Variants in OTUD7B observed in about 807,000 individuals in gnomAD.
The protein encoded by OTUD7B is OTU deubiquitinase 7B.
Under a neutral mutation model 82.2 loss-of-function variants are expected in OTUD7B, and 34 were observed. The observed-to-expected ratio is 0.41, with a 90% CI of 0.31 to 0.55. OTUD7B has a LOEUF of 0.55. Among genes scored for constraint, OTUD7B ranks in the 20% least tolerant of loss-of-function variants. The pLI is 0.20. For synonymous variants in OTUD7B, 398 were observed against 402.7 expected (o/e 0.99, Z 0.14); for missense variants, 944 against 1,062.1 (o/e 0.89, Z 1.55).
At position 149,944,946 on chromosome 1, in the gene OTUD7B, G is replaced by A. The variant is rs782271326; in HGVS notation, c.1443C>T (p.Gly481=). 2.0e-5 allele frequency: 32 copies of A among 1,613,978 alleles called. No individual in the cohort carries two copies. The highest frequency in any genetic ancestry group is 1.1e-4 in the East Asian group (5 of 44,884). Residue 481 remains glycine, a synonymous_variant, in exon 12 of 12, where the codon GGC becomes GGT. Transcript: ENST00000581312. ...GCTTTGACTTCTCCTTCCGCCGGCC[G>A]CCCTCGTTGCTGGTGGAACTGCTGC... ...SVGSSSTSNE[G]GRRKEKSKRD...
the OTUD7B span, among the ~76,000 whole-genome samples, chr1:150,034,186 A>G: frequency 6.6e-6 from 1 of 152,210 alleles, no homozygotes; most frequent in East Asian, 1.9e-4. Context: ...TTACTAATAA[A>G]TCTGTTTCAT....
At chr1:150,007,368 T>A (rs1333369345) in intron 1 of OTUD7B, among the ~76,000 whole-genome samples, 4 of 152,226 alleles carry the variant, frequency 2.6e-5, no homozygotes, top group African/African-American at 9.6e-5. Context: ...CCCAAGTCCA[T>A]TTCAAAATTT....
At position 149,982,104 on chromosome 1, in the gene OTUD7B, G is replaced by A. The variant is rs181703937; in HGVS notation, c.-66-4528C>T. Among the ~76,000 whole-genome samples, 738 of 152,036 alleles carry A rather than the reference G, an allele frequency of 4.9e-3. 6 individuals are homozygous for A. Among genetic ancestry groups the A allele is most frequent in the Non-Finnish European group, 7.4e-3 (504 of 67,960 alleles). Reference sequence around the variant, plus strand: ...GCGGAGCTTGCAGTGAGCCGAGATCGCGCCACTGCACTCCAGCCTGGGCGA... The same window carrying A: ...GCGGAGCTTGCAGTGAGCCGAGATCACGCCACTGCACTCCAGCCTGGGCGA... On this transcript the variant is annotated intron_variant, in intron 1 of 11. Coordinates refer to ENST00000581312, the MANE Select transcript of OTUD7B (RefSeq NM_020205.4).
rs782333494 is a variant in OTUD7B at position 149,967,415 on chromosome 1, G to A, written c.381C>T (p.Pro127=). 1.1e-5 allele frequency: 18 copies of A among 1,614,120 alleles called. No individual in the cohort carries two copies. The highest frequency in any genetic ancestry group is 5.0e-5 in the Admixed American group (3 of 60,006). The change falls in exon 4 of 12, where the codon CCC becomes CCT. Residue 127 remains proline, a synonymous_variant. Coordinates refer to ENST00000581312, the MANE Select transcript of OTUD7B (RefSeq NM_020205.4). ...NGGGGGSNEH[P]LEMPICAFQL... ...GGAAGGCACAGATGGGCATTTCCAG[G>A]GGGTGCTCATTGCTCCCCCCACCCC...
chr1:149,979,942 C>A (rs587776262), intron 1 of OTUD7B, among the ~76,000 whole-genome samples: 1 of 151,862 alleles, frequency 6.6e-6, no homozygotes, highest in Non-Finnish European at 1.5e-5. Context: ...AAAAAAGCAA[C>A]GCAACTGTAA....
rs587755388 is a variant in OTUD7B, at chr1:149,994,341, G to A, written c.-67+16107C>T. Among the ~76,000 whole-genome samples, 22 of 152,188 alleles carry A rather than the reference G, an allele frequency of 1.4e-4. No individual in the cohort carries two copies. The East Asian group carries it at 3.3e-3, about 23-fold the overall frequency. On this transcript the variant is annotated intron_variant, in intron 1 of 11. Coordinates refer to ENST00000581312, the MANE Select transcript of OTUD7B (RefSeq NM_020205.4). The stretch of plus-strand genomic sequence containing the variant: ...CTCACGCCTATAATCCCAGCACTTT[G>A]GGAGGCTGAGGTGGGCGGATCACGA...
Position 149,948,998 on chromosome 1 carries a change from T to C in OTUD7B, c.1209A>G (p.Lys403=), listed in dbSNP as rs1647978471. 1.2e-6 allele frequency: 2 copies of C among 1,613,426 alleles called. No homozygotes were observed. The highest frequency in any genetic ancestry group is 1.7e-5 in the Admixed American group (1 of 60,008). The change falls in exon 10 of 12, where the codon AAA becomes AAG. Residue 403 remains lysine, a synonymous_variant. Transcript: ENST00000581312. ...CCAATCGGACATTGTCACTATCATC[T>C]TTGCCCCACTCCCAGCCCTTTCCAG... ...VDPGKGWEWG[K]DDSDNVRLAS...
At chr1:150,052,272 C>T in the OTUD7B span, among the ~76,000 whole-genome samples, 1 of 152,154 alleles carries the variant, frequency 6.6e-6, no homozygotes, top group Non-Finnish European at 1.5e-5. Flanking sequence ...TTAGAAAACC[C>T]CATAGTCTTG....
At chr1:149,970,327 T>TA (rs1553777376) in intron 3 of OTUD7B, among the ~76,000 whole-genome samples, 6 of 882 alleles carry the variant, frequency 6.8e-3, no homozygotes, top group African/African-American at 9.2e-3. Flanking sequence ...TTTATTTATT[T>TA]TTTTTTTTGT....
At position 149,944,604 on chromosome 1, in the gene OTUD7B, G is replaced by A. The variant is rs1389226627; in HGVS notation, c.1785C>T (p.Ser595=). Residue 595 remains serine (S), a synonymous_variant, in exon 12 of 12, where the codon AGC becomes AGT. Transcript: ENST00000581312. ...GSKYSQEVMQ[S]LSILRTAMQG... ...GCATGGCAGTCCTCAGAATGCTCAG[G>A]CTCTGCATCACCTCCTGGCTATACT... 1.9e-6 allele frequency: 3 copies of A among 1,613,908 alleles called. No individual in the cohort carries two copies. In the African/African-American group the frequency reaches 4.0e-5, roughly 22 times the overall value.
chr1:149,990,568 G>A (rs1482283182), intron 1 of OTUD7B, among the ~76,000 whole-genome samples: 1 of 152,120 alleles, frequency 6.6e-6, no homozygotes, highest in Non-Finnish European at 1.5e-5. Context: ...TTCACTAATA[G>A]CTTCTCTGTT....
At chr1:150,064,649 A>C in the OTUD7B span, among the ~76,000 whole-genome samples, 1 of 152,182 alleles carries the variant, frequency 6.6e-6, no homozygotes, top group African/African-American at 2.4e-5. Context: ...GATTACAGGC[A>C]TGAACCACTG....
At chr1:149,987,488 A>T (rs1224918613) in intron 1 of OTUD7B, among the ~76,000 whole-genome samples, 2 of 152,234 alleles carry the variant, frequency 1.3e-5, no homozygotes, top group African/African-American at 4.8e-5. Context: ...GGGGAAATGT[A>T]TGCATTTCAG....
the OTUD7B span, among the ~76,000 whole-genome samples, chr1:150,023,794 C>T: frequency 6.6e-6 from 1 of 152,030 alleles, no homozygotes; most frequent in African/African-American, 2.4e-5. Flanking sequence ...AATGTTCTTG[C>T]CACACAAAAA....
Position 149,955,551 on chromosome 1 carries a change from A to G in OTUD7B, c.845+4133T>C, listed in dbSNP as rs587704404. On this transcript the variant is annotated intron_variant, in intron 7 of 11. Transcript: ENST00000581312. Reference sequence around the variant, plus strand: ...GGGGTGAAGAGTTCTGTAGATGTCTATTAGGTCTGCTTGGTGCAGAGCTGA... The same window carrying G: ...GGGGTGAAGAGTTCTGTAGATGTCTGTTAGGTCTGCTTGGTGCAGAGCTGA... Among the ~76,000 whole-genome samples, 21 of 152,310 alleles carry G rather than the reference A, an allele frequency of 1.4e-4. 1 individual carries two copies. The South Asian group carries it at 4.4e-3, about 32-fold the overall frequency.
rs782560596 is a variant in OTUD7B at position 149,967,474 on chromosome 1, A to G, written c.322T>C (p.Ser108Pro). 6.2e-7 allele frequency: 1 copy of G among 1,613,562 alleles called. No homozygotes were observed. Among genetic ancestry groups the G allele is most frequent in the South Asian group, 1.1e-5 (1 of 91,034 alleles). ...GISHASSSIVSLARSHVSSNG... is the reference protein window; with the variant it reads ...GISHASSSIVPLARSHVSSNG... ...GAGGAGACATGGGACCGGGCCAGGGAAACAATGCTGGAGCTGGCGTGGGAG... is the reference window on the plus strand; with the variant it reads ...GAGGAGACATGGGACCGGGCCAGGGGAACAATGCTGGAGCTGGCGTGGGAG... The change falls in exon 4 of 12, where the codon TCC (serine) becomes CCC (proline). Residue 108 changes from serine (S) to proline (P), a missense_variant. Coordinates refer to ENST00000581312, the MANE Select transcript of OTUD7B (RefSeq NM_020205.4).
In OTUD7B at chr1:149,945,025, C is replaced by G. The variant is rs1647606192; in HGVS notation, c.1364G>C (p.Gly455Ala). ...CTCAGGAGTGGACCGGGGCTCATCTCCAGCTGAGGCGGTGGGGGACTCAGG... is the reference window on the plus strand; with the variant it reads ...CTCAGGAGTGGACCGGGGCTCATCTGCAGCTGAGGCGGTGGGGGACTCAGG... ...AQPESPTASA[G>A]DEPRSTPESG... is the part of the protein sequence containing the mutation. Residue 455 changes from glycine to alanine, a missense_variant, in exon 12 of 12, where the codon GGA (glycine) becomes GCA (alanine). This residue lies in a region of OTUD7B where 530 missense variants were observed against 625.6 expected (regional missense o/e 0.85). Coordinates refer to ENST00000581312, the MANE Select transcript of OTUD7B (RefSeq NM_020205.4). 1 of 1,613,976 alleles carries G rather than the reference C, an allele frequency of 6.2e-7. No individual in the cohort carries two copies. Among genetic ancestry groups the G allele is most frequent in the Non-Finnish European group, 8.5e-7 (1 of 1,180,030 alleles).
At chr1:150,014,056 A>ATGTGTG (rs1487824605), upstream of OTUD7B, among the ~76,000 whole-genome samples, 117 of 77,336 alleles carry the variant, frequency 1.5e-3, 2 homozygotes, top group Admixed American at 0.015. Flanking sequence ...GTGTGTATAT[A>ATGTGTG]TATGTGTGTG....
chr1:149,969,088 C>T (rs192746041), intron 3 of OTUD7B, among the ~76,000 whole-genome samples: 1 of 152,208 alleles, frequency 6.6e-6, no homozygotes, highest in East Asian at 1.9e-4. Context: ...CTTTGGGAAG[C>T]CAAGGTAGAA....
Sources: allele counts gnomAD v4.1 joint callset (sites outside exome capture counted in the v4.1 genomes callset), GRCh38; gene constraint gnomAD v4.1.1; regional missense constraint gnomAD v4.1.1; transcripts MANE v1.5; gene names NCBI Gene and HGNC (gene_info 2026-07-23, HGNC 2026-07-21).